The following ZNF7 variants were observed in gnomAD, a reference collection of about 807,000 sequenced individuals.
ZNF7 encodes C2-H2 type zinc finger protein.
Under a neutral mutation model 12.0 loss-of-function variants are expected in ZNF7, and 10 were observed. The ratio of observed to expected loss-of-function variants is 0.83; its 90% CI spans 0.51 to 1.42. ZNF7 has a LOEUF of 1.42. ZNF7 is among the 40% of genes most tolerant of loss of function. The pLI, the probability that ZNF7 is intolerant of heterozygous loss-of-function variation, is 0.00. For missense variants in ZNF7, 854 were observed against 837.2 expected (o/e 1.02, Z -0.25); for synonymous variants, 334 against 295.0 (o/e 1.13, Z -1.35).
Position 144,829,458 on chromosome 8 carries a change from G to C in ZNF7, c.4-20G>C. 9 of 1,613,976 alleles carry C rather than the reference G, an allele frequency of 5.6e-6. No individual in the cohort carries two copies. The highest frequency in any genetic ancestry group is 1.1e-5 in the South Asian group (1 of 91,082). On this transcript the variant is annotated intron_variant, in intron 2 of 4. Transcript: ENST00000532777. Reference sequence around the variant, plus strand: ...GCTGGCACCCAGGGATTCCTGGGGTGCTGGTGTGTGTCCTTTCAGGAGGTG... The same window carrying C: ...GCTGGCACCCAGGGATTCCTGGGGTCCTGGTGTGTGTCCTTTCAGGAGGTG...
intron 4 of ZNF7, 21 bp downstream of exon 4, chr8:144,837,528 C>T: frequency 1.3e-6 from 2 of 1,568,146 alleles, no homozygotes; most frequent in Non-Finnish European, 1.7e-6. Context: ...GATCCCATCG[C>T]AGAGAAGCCC....
rs1160628932 is a variant in ZNF7, at chr8:144,842,397, G to C, written c.1290G>C (p.Gln430His). ...TTAGGTGGATCTCTCGCCTGAGTCA[G>C]CATCAGCTGATTCACACTGGAGAGA... ...KAFRWISRLS[Q>H]HQLIHTGEKP... Residue 430 changes from glutamine (Q) to histidine (H), a missense_variant, in exon 5 of 5, where the codon CAG becomes CAC. By Grantham distance (24) the Gln-to-His change is conservative. Coordinates refer to ENST00000532777, the MANE Select transcript of ZNF7 (RefSeq NM_003416.4). The C allele has an allele frequency of 6.2e-7, 1 of 1,613,924 alleles. No homozygotes were observed. Among genetic ancestry groups the C allele is most frequent in the Non-Finnish European group, 8.5e-7 (1 of 1,180,040 alleles).
At chr8:144,838,346 C>A in intron 4 of ZNF7, 1 of 569,702 alleles carries the variant, frequency 1.8e-6, no homozygotes, top group South Asian at 2.2e-5. Context: ...CAAGTTAGGA[C>A]TTCAGCCTAT....
chr8:144,836,873 C>T (rs1486410215), intron 3 of ZNF7: 1 of 153,234 alleles, frequency 6.5e-6, no homozygotes, highest in African/African-American at 2.4e-5. Flanking sequence ...GAGGCAGGCC[C>T]TGAGGCATCC....
At chr8:144,829,387 A>G in intron 2 of ZNF7, 91 bp from the exon 3 acceptor site, 3 of 1,588,960 alleles carry the variant, frequency 1.9e-6, no homozygotes, top group South Asian at 2.3e-5. Context: ...GCCCAACCCC[A>G]TGGGGCAGCT....
rs190780755 is a variant in ZNF7, at chr8:144,843,324, T to A, written c.*156T>A. 48 of 974,498 alleles carry A rather than the reference T, an allele frequency of 4.9e-5. No homozygotes were observed. In the African/African-American group the frequency reaches 6.8e-4, roughly 14 times the overall value. The allele number at this position is 974,498 out of a possible 1,614,324, so 60.4% of individuals were successfully genotyped here. On this transcript the variant is annotated 3_prime_UTR_variant, in exon 5 of 5. Transcript: ENST00000532777. ...CCAACTTCAGGCCGAGTGTGGTGGC[T>A]TATGCCTGTCATCCCAGCACTTTGG... is the stretch of plus-strand genomic sequence containing the variant.
intron 2 of ZNF7, 183 bp downstream of exon 2, chr8:144,829,273 GA>G: frequency 1.3e-6 from 2 of 1,531,586 alleles, no homozygotes; most frequent in Non-Finnish European, 1.8e-6. Context: ...TGAGGCTCTT[GA>G]GGGGGGAGGG....
Position 144,837,380 on chromosome 8 carries a change from C to T in ZNF7, c.131-11C>T, listed in dbSNP as rs528131010. 4.8e-5 allele frequency: 77 copies of T among 1,599,104 alleles called. No homozygotes were observed. Among genetic ancestry groups the T allele is most frequent in the South Asian group, 1.8e-4 (16 of 90,316 alleles). On this transcript the variant is annotated splice_polypyrimidine_tract_variant and intron_variant, in intron 3 of 4. Coordinates refer to ENST00000532777, the MANE Select transcript of ZNF7 (RefSeq NM_003416.4). The stretch of plus-strand genomic sequence containing the variant: ...ATGCTGACACTGTTGTCTTCTCTGC[C>T]GCACACACAGCAGGATTCCTGGTTT...
chr8:144,830,788 C>A (rs1828356654), intron 3 of ZNF7: 10 of 347,576 alleles, frequency 2.9e-5, no homozygotes, highest in South Asian at 1.9e-4. Context: ...TGCCGGAGTG[C>A]AATGGCGCGA....
intron 1 of ZNF7, 144 bp downstream of exon 1, chr8:144,827,753 C>G: frequency 1.1e-6 from 1 of 908,892 alleles, no homozygotes; most frequent in Non-Finnish European, 1.3e-6. Flanking sequence ...TTTGCGGGGC[C>G]TTGAGCGCCT....
intron 4 of ZNF7, among the ~76,000 whole-genome samples, chr8:144,840,439 T>C (rs1372837995): frequency 6.6e-6 from 1 of 152,044 alleles, no homozygotes; most frequent in Non-Finnish European, 1.5e-5. Flanking sequence ...TCGGGCTGGT[T>C]ATAGCTGTGG....
chr8:144,845,958 G>C (rs906236410), downstream of ZNF7: 86 of 1,535,552 alleles, frequency 5.6e-5, no homozygotes, highest in Admixed American at 3.7e-4. Context: ...AGGGGTTGCT[G>C]TTGCTTTTTC....
At chr8:144,841,334 C>G (rs765378544) in intron 4 of ZNF7, 21 bp from the exon 5 acceptor site, 3 of 1,586,202 alleles carry the variant, frequency 1.9e-6, no homozygotes, top group Non-Finnish European at 2.6e-6. Flanking sequence ...TAAGGAACGT[C>G]TTTGTTCCTG....
intron 3 of ZNF7, among the ~76,000 whole-genome samples, chr8:144,831,425 C>G (rs1224604994): frequency 6.6e-6 from 1 of 152,198 alleles, no homozygotes; most frequent in Non-Finnish European, 1.5e-5. Context: ...TGTGTCACAG[C>G]TGCCACCTGG....
downstream of ZNF7, among the ~76,000 whole-genome samples, chr8:144,845,511 T>A (rs1830463257): frequency 6.6e-6 from 1 of 152,148 alleles, no homozygotes; most frequent in Non-Finnish European, 1.5e-5. Context: ...CAAGGCCTGA[T>A]GCTTTTTTGC....
chr8:144,841,388 G>C lies in ZNF7; in HGVS notation c.281G>C (p.Cys94Ser), dbSNP rs200168371. 6.8e-5 allele frequency: 109 copies of C among 1,611,590 alleles called. No individual in the cohort carries two copies. The highest frequency in any genetic ancestry group is 5.0e-5 in the Admixed American group (3 of 59,954). The change falls in exon 5 of 5, where the codon TGT becomes TCT. Residue 94 changes from cysteine to serine, a missense_variant. Physicochemically the swap from Cys to Ser is moderately radical, Grantham distance 112 (BLOSUM62 -1). Transcript: ENST00000532777. Reference protein sequence around the residue: ...STIRTENEQACEDMDILKSES... With the variant: ...STIRTENEQASEDMDILKSES... ...ATTAGGACTGAAAATGAGCAGGCCT[G>C]TGAGGACATGGACATCCTAAAATCA...
intron 4 of ZNF7, 59 bp downstream of exon 4, chr8:144,837,566 C>T: frequency 7.4e-7 from 1 of 1,344,944 alleles, no homozygotes; most frequent in Admixed American, 2.0e-5. Context: ...GCAGGAGGGG[C>T]CTCACAACTG....
chr8:144,846,272 C>T, downstream of ZNF7: 1 of 1,259,576 alleles, frequency 7.9e-7, no homozygotes, highest in Non-Finnish European at 1.1e-6. Flanking sequence ...CATTCTGCTT[C>T]AGCACCTGGA....
intron 3 of ZNF7, among the ~76,000 whole-genome samples, chr8:144,831,334 A>G (rs570623735): frequency 1.3e-5 from 2 of 152,278 alleles, no homozygotes; most frequent in Admixed American, 6.5e-5. Context: ...TTCAGCATGT[A>G]TTGTATGATG....
Sources: gnomAD v4.1 joint callset for allele counts (sites outside exome capture counted in the v4.1 genomes callset) on GRCh38, gnomAD v4.1.1 for gene constraint, MANE v1.5 for transcripts, NCBI Gene and HGNC (gene_info 2026-07-23, HGNC 2026-07-21) for gene names.